The following PCDHGB3 variants were observed in gnomAD, a reference collection of about 807,000 sequenced individuals.
The protein encoded by PCDHGB3 is protocadherin gamma subfamily B, 3, also known as protocadherin gamma-B3.
In PCDHGB3, 40 loss-of-function variants were observed where a neutral mutation model predicts 59.2. The ratio of observed to expected loss-of-function variants is 0.68; its 90% CI spans 0.52 to 0.88. The LOEUF (loss-of-function observed/expected upper bound fraction) is 0.88. Ranked by LOEUF, PCDHGB3 falls within the 40% of genes least tolerant of loss-of-function variation. The pLI is 0.00. For synonymous variants in PCDHGB3, 581 were observed against 503.6 expected (o/e 1.15, Z -2.06); for missense variants, 1,309 against 1,187.9 (o/e 1.10, Z -1.50).
chr5:141,472,980 C>CAAAAAAAAAAAAAAAAAAAGAAAAAAAAA (rs60579131), intron 1 of PCDHGB3, among the ~76,000 whole-genome samples: 1 of 86,106 alleles, frequency 1.2e-5, no homozygotes, highest in Admixed American at 1.2e-4. Context: ...GAGTGAAACT[C>CAAAAAAAAAAAAAAAAAAAGAAAAAAAAA]AAAAAAAAAA....
intron 1 of PCDHGB3, among the ~76,000 whole-genome samples, chr5:141,382,462 T>A (rs1481999551): frequency 6.6e-6 from 1 of 152,240 alleles, no homozygotes; most frequent in Admixed American, 6.5e-5. Context: ...AGCAGTTTTT[T>A]AAAAATTATC....
chr5:141,395,716 T>C (rs2093303538), intron 1 of PCDHGB3: 1 of 154,332 alleles, frequency 6.5e-6, no homozygotes, highest in Non-Finnish European at 1.4e-5. Context: ...AACTAGGCTC[T>C]TGTAGATTTC....
At chr5:141,427,839 G>A (rs1276507135) in intron 1 of PCDHGB3, 3 of 1,547,192 alleles carry the variant, frequency 1.9e-6, no homozygotes, top group African/African-American at 2.7e-5. Context: ...GCGTGCCTTC[G>A]ACCACGAGCA....
intron 1 of PCDHGB3, among the ~76,000 whole-genome samples, chr5:141,456,406 G>A (rs1038971451): frequency 2.0e-5 from 3 of 152,080 alleles, no homozygotes; most frequent in South Asian, 2.1e-4. Flanking sequence ...GCTTCTAGGC[G>A]AGAAGAAACA....
chr5:141,446,639 G>C (rs1461520959), intron 1 of PCDHGB3, among the ~76,000 whole-genome samples: 1 of 152,116 alleles, frequency 6.6e-6, no homozygotes, highest in Non-Finnish European at 1.5e-5. Context: ...ACCACGCCTG[G>C]CTAATTTTTG....
At chr5:141,463,650 A>G (rs1206605758) in intron 1 of PCDHGB3, among the ~76,000 whole-genome samples, 1 of 151,746 alleles carries the variant, frequency 6.6e-6, no homozygotes, top group South Asian at 2.1e-4. Flanking sequence ...ACGGGGTTTC[A>G]CCGTGTTAGC....
Position 141,485,465 on chromosome 5 carries a change from C to T in PCDHGB3, c.2416-9342C>T. ...AATCGACCGAGAGGCACTGTGTGGG[C>T]TCAGTGCCAGCTGCATCGTGCCCCT... On this transcript the variant is annotated intron_variant, in intron 1 of 3. Coordinates refer to ENST00000576222, the MANE Select transcript of PCDHGB3 (RefSeq NM_018924.5). This position sits in a 1 kb window ranked among gnomAD's most constrained non-coding sequence, Gnocchi z 5.7. 6.2e-7 allele frequency: 1 copy of T among 1,614,162 alleles called. No homozygotes were observed.
Position 141,414,630 on chromosome 5 carries a change from C to A in PCDHGB3, c.2415+41821C>A. On this transcript the variant is annotated intron_variant, in intron 1 of 3. Coordinates refer to ENST00000576222, the MANE Select transcript of PCDHGB3 (RefSeq NM_018924.5). ...CAGTGACAGCGCTGGACCCGGACAG[C>A]AAAGAGAATGCCCAGATTATTTACT... 2 of 1,613,980 alleles carry A rather than the reference C, an allele frequency of 1.2e-6. No individual in the cohort carries two copies. Among genetic ancestry groups the A allele is most frequent in the Non-Finnish European group, 1.7e-6 (2 of 1,179,892 alleles).
In PCDHGB3 at chr5:141,509,418, A is replaced by G. The variant is rs767758113; in HGVS notation, c.2564-1529A>G. Among the ~76,000 whole-genome samples the G allele has an allele frequency of 2.6e-5, 4 of 152,188 alleles. No individual in the cohort carries two copies. The South Asian group carries it at 6.2e-4, about 24-fold the overall frequency. ...TCAGGGCCTCCAGCAGCGAGCCCCA[A>G]TGAGTCAAACTCTTGTTTCCTCCTC... On this transcript the variant is annotated intron_variant, in intron 3 of 3. Transcript: ENST00000576222.
In PCDHGB3 at chr5:141,477,629, C is replaced by A. The variant is rs1191573380; in HGVS notation, c.2416-17178C>A. The A allele has an allele frequency of 6.2e-7, 1 of 1,614,040 alleles. No individual in the cohort carries two copies. The highest frequency in any genetic ancestry group is 8.5e-7 in the Non-Finnish European group (1 of 1,180,040). ...CTTGGAGCAAGGAGCTGAAACCGGGCTAGTGGGTCGCTATTTCACAATAAA... is the reference window on the plus strand; with the variant it reads ...CTTGGAGCAAGGAGCTGAAACCGGGATAGTGGGTCGCTATTTCACAATAAA... On this transcript the variant is annotated intron_variant, in intron 1 of 3. Coordinates refer to ENST00000576222, the MANE Select transcript of PCDHGB3 (RefSeq NM_018924.5). The surrounding 1 kb of genome is among the most constrained non-coding windows in gnomAD (Gnocchi z 4.9).
rs1768271150 is a variant in PCDHGB3, at chr5:141,371,990, G to A, written c.1596G>A (p.Leu532=). 1 of 1,613,140 alleles carries A rather than the reference G, an allele frequency of 6.2e-7. No individual in the cohort carries two copies. Among genetic ancestry groups the A allele is most frequent in the Admixed American group, 1.7e-5 (1 of 59,984 alleles). ...HEQLRAFELT[L]QARDQGSPTL... is the part of the protein sequence containing the mutation. Reference sequence around the variant, plus strand: ...AGCTGCGTGCCTTCGAGCTCACTCTGCAGGCCCGCGACCAGGGCTCGCCTA... The same window carrying A: ...AGCTGCGTGCCTTCGAGCTCACTCTACAGGCCCGCGACCAGGGCTCGCCTA... The change falls in exon 1 of 4, where the codon CTG becomes CTA. Residue 532 remains leucine, a synonymous_variant. Transcript: ENST00000576222.
At chr5:141,422,959 C>A in intron 1 of PCDHGB3, 1 of 1,614,234 alleles carries the variant, frequency 6.2e-7, no homozygotes, top group South Asian at 1.1e-5. Context: ...TGGCGTGGAG[C>A]TGGCGCCCCG....
At chr5:141,437,826 CT>C (rs1263000808) in intron 1 of PCDHGB3, among the ~76,000 whole-genome samples, 5 of 151,936 alleles carry the variant, frequency 3.3e-5, no homozygotes, top group African/African-American at 1.2e-4. Flanking sequence ...CAACCTCTGC[CT>C]CCTGGGTTCA....
Position 141,476,908 on chromosome 5 carries a change from A to T in PCDHGB3, c.2416-17899A>T. ...ATGCACCCTCCGGCACGCGCGTGGT[A>T]CAAGTCCTTGCAACGGATCTGGATG... is the stretch of plus-strand genomic sequence containing the variant. On this transcript the variant is annotated intron_variant, in intron 1 of 3. Coordinates refer to ENST00000576222, the MANE Select transcript of PCDHGB3 (RefSeq NM_018924.5). This position sits in a 1 kb window ranked among gnomAD's most constrained non-coding sequence, Gnocchi z 7.6. The T allele has an allele frequency of 1.2e-6, 2 of 1,614,050 alleles. No individual in the cohort carries two copies. The highest frequency in any genetic ancestry group is 1.7e-6 in the Non-Finnish European group (2 of 1,180,038).
At chr5:141,414,514 G>A in intron 1 of PCDHGB3, 1 of 1,613,964 alleles carries the variant, frequency 6.2e-7, no homozygotes, top group Non-Finnish European at 8.5e-7. Context: ...GCTACAAGTG[G>A]CAGATATCAA....
chr5:141,455,759 A>G (rs1013283124), intron 1 of PCDHGB3, among the ~76,000 whole-genome samples: 4 of 152,300 alleles, frequency 2.6e-5, no homozygotes, highest in South Asian at 4.1e-4. Context: ...CCTGGCTCCT[A>G]GAGCCGGGGC....
chr5:141,428,119 C>CCGGGCTTTTCAGCCTGGGGCTGCACA, intron 1 of PCDHGB3: 1 of 1,606,630 alleles, frequency 6.2e-7, no homozygotes, highest in Non-Finnish European at 8.5e-7. Context: ...GCCATCGAGC[C>CCGGGCTTTTCAGCCTGGGGCTGCACA]CGGGCTTTTC....
Position 141,427,970 on chromosome 5 carries a change from C to A in PCDHGB3, c.2415+55161C>A, listed in dbSNP as rs760792774. On this transcript the variant is annotated intron_variant, in intron 1 of 3. Coordinates refer to ENST00000576222, the MANE Select transcript of PCDHGB3 (RefSeq NM_018924.5). ...ATGACAATGTGCCGCGGGTGCTGTA[C>A]CCCGCGCTGGGGCCCGATGGCTCCG... 1.9e-6 allele frequency: 3 copies of A among 1,592,510 alleles called. No individual in the cohort carries two copies. The Admixed American group carries it at 5.0e-5, about 27-fold the overall frequency.
intron 1 of PCDHGB3, among the ~76,000 whole-genome samples, chr5:141,386,558 G>A (rs931142144): frequency 6.6e-5 from 10 of 151,826 alleles, no homozygotes; most frequent in African/African-American, 2.4e-4. Flanking sequence ...GTAGTATTTT[G>A]CACATGATAG....
Sources: gnomAD v4.1 joint callset for allele counts (sites outside exome capture counted in the v4.1 genomes callset) on GRCh38, gnomAD v4.1.1 for gene constraint, Gnocchi (gnomAD v3.1) non-coding constraint, MANE v1.5 for transcripts, NCBI Gene and HGNC (gene_info 2026-07-23, HGNC 2026-07-21) for gene names.